NEBL: variants seen among roughly 807,000 people sequenced by gnomAD.
NEBL encodes nebulette, also known as LIM and SH3 protein 2.
In NEBL, 122 loss-of-function variants were observed where a neutral mutation model predicts 140.2. The observed-to-expected ratio is 0.87, with a 90% CI of 0.75 to 1.01. The LOEUF is 1.01. Ranked by LOEUF, NEBL falls within the 50% of genes least tolerant of loss-of-function variation. The pLI is 0.00. For synonymous variants in NEBL, 436 were observed against 398.9 expected (o/e 1.09, Z -1.11); for missense variants, 1,365 against 1,231.3 (o/e 1.11, Z -1.62).
At chr10:21,260,455 G>A (rs1265404930) in intron 1 of NEBL, among the ~76,000 whole-genome samples, 2 of 152,114 alleles carry the variant, frequency 1.3e-5, no homozygotes, top group Non-Finnish European at 2.9e-5. Flanking sequence ...TTTTAATTTA[G>A]ATAATTTCCT....
intron 2 of NEBL, among the ~76,000 whole-genome samples, chr10:21,123,576 T>A (rs562742875): frequency 2.1e-3 from 321 of 152,206 alleles, no homozygotes; most frequent in Non-Finnish European, 3.2e-3. Flanking sequence ...ACTGATGTTA[T>A]TTCCCATGCC....
At chr10:21,065,031 A>G (rs1269221304) in intron 2 of NEBL, among the ~76,000 whole-genome samples, 1 of 152,226 alleles carries the variant, frequency 6.6e-6, no homozygotes, top group East Asian at 1.9e-4. Context: ...GTAGTTCTCC[A>G]TATATACCTG....
At chr10:21,003,940 A>T (rs1838011085) in intron 3 of NEBL, among the ~76,000 whole-genome samples, 1 of 152,196 alleles carries the variant, frequency 6.6e-6, no homozygotes, top group Non-Finnish European at 1.5e-5. Context: ...TTTATAAACA[A>T]ACCAAAAGTC....
intron 1 of NEBL, among the ~76,000 whole-genome samples, chr10:21,260,568 G>A (rs1487975741): frequency 1.3e-5 from 2 of 152,028 alleles, no homozygotes; most frequent in Non-Finnish European, 2.9e-5. Flanking sequence ...TGGTATATTG[G>A]CAGCCAAGAA....
intron 4 of NEBL, among the ~76,000 whole-genome samples, chr10:20,928,643 G>A (rs1834027405): frequency 6.6e-6 from 1 of 152,142 alleles, no homozygotes; most frequent in Non-Finnish European, 1.5e-5. Flanking sequence ...CTGATCCAAT[G>A]GAAGGAAATA....
chr10:20,915,963 T>C (rs952922740), intron 4 of NEBL, among the ~76,000 whole-genome samples: 2 of 152,260 alleles, frequency 1.3e-5, no homozygotes, highest in African/African-American at 4.8e-5. Context: ...CATTACCAAA[T>C]GTTGTCATAA....
intron 3 of NEBL, among the ~76,000 whole-genome samples, chr10:20,969,519 C>T (rs1471622104): frequency 7.0e-6 from 1 of 143,498 alleles, no homozygotes; most frequent in Non-Finnish European, 1.5e-5. Flanking sequence ...ATGCTAAATA[C>T]ATTAAAAATG....
chr10:21,277,761 T>G (rs953057009), intron 1 of NEBL, among the ~76,000 whole-genome samples: 1 of 152,234 alleles, frequency 6.6e-6, no homozygotes. Flanking sequence ...GTTAACATAG[T>G]CTTCCAGGAC....
At chr10:20,902,380 T>C (rs902149183) in intron 4 of NEBL, among the ~76,000 whole-genome samples, 5 of 148,974 alleles carry the variant, frequency 3.4e-5, no homozygotes, top group African/African-American at 1.2e-4. Flanking sequence ...CACTCCAGCC[T>C]GGGCAACAGA....
intron 3 of NEBL, among the ~76,000 whole-genome samples, chr10:21,240,054 G>A (rs1169721648): frequency 1.3e-5 from 2 of 151,684 alleles, no homozygotes; most frequent in African/African-American, 4.8e-5. Flanking sequence ...GTCAATATCT[G>A]TATTCCTGTT....
At chr10:20,875,949 G>A (rs1385045000) in intron 5 of NEBL, among the ~76,000 whole-genome samples, 1 of 152,164 alleles carries the variant, frequency 6.6e-6, no homozygotes, top group Non-Finnish European at 1.5e-5. Context: ...ACCCATCTCA[G>A]GAAAACCTTT....
intron 2 of NEBL, among the ~76,000 whole-genome samples, chr10:21,106,103 G>T (rs1428235120): frequency 6.6e-6 from 1 of 151,846 alleles, no homozygotes; most frequent in African/African-American, 2.4e-5. Context: ...TGTCAGATGG[G>T]CAGATTGCAA....
At chr10:20,812,446 A>T (rs1466820124) in intron 24 of NEBL, among the ~76,000 whole-genome samples, 1 of 150,130 alleles carries the variant, frequency 6.7e-6, no homozygotes, top group Non-Finnish European at 1.5e-5. Flanking sequence ...CATTAGGTGT[A>T]TCTCCTAATG....
At position 20,785,999 on chromosome 10, in the gene NEBL, C is replaced by T. The variant is rs1167770364; in HGVS notation, c.2869-76G>A. On this transcript the variant is annotated intron_variant, in intron 27 of 27. Transcript: ENST00000377122. ...ACAAATTCCAATCACAACACACCGACCCACACATAAAGTAACTATTAGGAA... is the reference window on the plus strand; with the variant it reads ...ACAAATTCCAATCACAACACACCGATCCACACATAAAGTAACTATTAGGAA... 1.7e-5 allele frequency: 23 copies of T among 1,369,512 alleles called. No individual in the cohort carries two copies. In the Middle Eastern group the frequency reaches 5.4e-4, roughly 32 times the overall value. 84.8% of individuals were successfully genotyped at this position (1,369,512 alleles called of 1,614,324 possible).
intron 19 of NEBL, among the ~76,000 whole-genome samples, chr10:20,822,577 T>C (rs1839438377): frequency 6.6e-6 from 1 of 151,390 alleles, no homozygotes; most frequent in Non-Finnish European, 1.5e-5. Flanking sequence ...TAGAGATATA[T>C]ACAGACTATC....
chr10:21,075,941 C>T (rs149830160), intron 2 of NEBL, among the ~76,000 whole-genome samples: 6 of 152,026 alleles, frequency 3.9e-5, no homozygotes, highest in African/African-American at 1.4e-4. Flanking sequence ...TGTTCTACAT[C>T]AAGAATCATT....
chr10:21,227,402 A>G (rs910968490), intron 3 of NEBL, among the ~76,000 whole-genome samples: 3 of 152,246 alleles, frequency 2.0e-5, no homozygotes, highest in Non-Finnish European at 4.4e-5. Context: ...TACTTTAAAA[A>G]TGCCATATGG....
chr10:20,890,971 T>C (rs187271643), intron 2 of NEBL, among the ~76,000 whole-genome samples: 1 of 152,358 alleles, frequency 6.6e-6, no homozygotes, highest in African/African-American at 2.4e-5. Context: ...AAAGTGTTCC[T>C]GTTTCAGATG....
intron 4 of NEBL, among the ~76,000 whole-genome samples, chr10:20,922,852 T>C (rs1833659846): frequency 6.6e-6 from 1 of 152,118 alleles, no homozygotes; most frequent in Non-Finnish European, 1.5e-5. Flanking sequence ...AAGAGAAGAT[T>C]TTGTGCTAGA....
Sources: gnomAD v4.1 joint callset for allele counts (sites outside exome capture counted in the v4.1 genomes callset) on GRCh38, gnomAD v4.1.1 for gene constraint, MANE v1.5 for transcripts, NCBI Gene and HGNC (gene_info 2026-07-23, HGNC 2026-07-21) for gene names.